CPNE4: variants seen among roughly 807,000 people sequenced by gnomAD.
CPNE4 encodes copine-4.
A neutral mutation model predicts 67.9 loss-of-function variants in CPNE4; 25 were observed. That is an observed-to-expected ratio of 0.37 (90% CI 0.27 to 0.51). The LOEUF (loss-of-function observed/expected upper bound fraction) is 0.51, where lower values mean the gene tolerates loss of function less well. CPNE4 is among the 20% of genes least tolerant of loss of function. The pLI, the probability that CPNE4 is intolerant of heterozygous loss-of-function variation, is 0.93. For missense variants in CPNE4, 464 were observed against 690.8 expected, an observed-to-expected ratio of 0.67 and a Z score of 3.68; for synonymous variants, 242 against 244.9, an observed-to-expected ratio of 0.99 and a Z score of 0.11.
intron 15 of CPNE4, among the ~76,000 whole-genome samples, chr3:131,535,932 A>G (rs1935118641): frequency 6.6e-6 from 1 of 152,250 alleles, no homozygotes; most frequent in Non-Finnish European, 1.5e-5. Context: ...AGGCCAGGGC[A>G]TAAAAAACAT....
chr3:132,024,110 G>A (rs2074064902), intron 1 of CPNE4, among the ~76,000 whole-genome samples: 1 of 141,336 alleles, frequency 7.1e-6, no homozygotes, highest in South Asian at 2.2e-4. Context: ...TTGAGACACA[G>A]TCTTGCTCTG....
chr3:131,799,120 A>G (rs1211824695), intron 2 of CPNE4, among the ~76,000 whole-genome samples: 3 of 152,192 alleles, frequency 2.0e-5, no homozygotes, highest in Admixed American at 6.6e-5. Flanking sequence ...CAGAAAAAAA[A>G]TATGAACAAT....
chr3:131,790,285 C>A (rs1307385726), intron 2 of CPNE4, among the ~76,000 whole-genome samples: 1 of 151,988 alleles, frequency 6.6e-6, no homozygotes, highest in Non-Finnish European at 1.5e-5. Context: ...CAGTAAATAC[C>A]CAAGTCTTTC....
intron 3 of CPNE4, among the ~76,000 whole-genome samples, chr3:131,712,061 T>C (rs770732764): frequency 2.0e-5 from 3 of 152,244 alleles, no homozygotes; most frequent in Non-Finnish European, 4.4e-5. Flanking sequence ...AAGGATTTCC[T>C]GTAAATTTCC....
In CPNE4 at chr3:131,993,665, T is replaced by C. The variant is rs913363352; in HGVS notation, c.-2+40902A>G. Among the ~76,000 whole-genome samples the C allele has an allele frequency of 4.5e-5, 6 of 134,810 alleles. 1 individual carries two copies. The highest frequency in any genetic ancestry group is 2.5e-4 in the Admixed American group (3 of 11,826). 88.4% of individuals were successfully genotyped at this position (134,810 alleles called of 152,430 possible). Reference sequence around the variant, plus strand: ...ACAGGAAAAATTCTCTTTTGCACCATTGTAACTATTAATAAAAAATACTCA... The same window carrying C: ...ACAGGAAAAATTCTCTTTTGCACCACTGTAACTATTAATAAAAAATACTCA... On this transcript the variant is annotated intron_variant, in intron 1 of 15. Transcript: ENST00000429747.
At chr3:131,825,997 G>C (rs1238253162) in intron 2 of CPNE4, among the ~76,000 whole-genome samples, 1 of 152,150 alleles carries the variant, frequency 6.6e-6, no homozygotes, top group African/African-American at 2.4e-5. Flanking sequence ...TCAGAATTTA[G>C]AGGGGTTAAG....
intron 1 of CPNE4, among the ~76,000 whole-genome samples, chr3:131,978,078 A>AATATATATAAAT (rs1391143174): frequency 5.6e-5 from 2 of 35,526 alleles, no homozygotes; most frequent in East Asian, 9.2e-4. Context: ...AATATATATA[A>AATATATATAAAT]ATATATATAA....
At chr3:131,927,780 G>T (rs189422073) in intron 1 of CPNE4, among the ~76,000 whole-genome samples, 1 of 151,976 alleles carries the variant, frequency 6.6e-6, no homozygotes, top group Non-Finnish European at 1.5e-5. Context: ...TTCCCTCATC[G>T]CCACCATGGT....
At position 131,953,238 on chromosome 3, in the gene CPNE4, T is replaced by TAAA. The variant is rs369308316; in HGVS notation, c.-1-47795_-1-47794insTTT. 1.8e-4 allele frequency among the ~76,000 whole-genome samples: 14 copies of TAAA among 75,698 alleles called. 1 individual carries two copies. Among genetic ancestry groups the TAAA allele is most frequent in the East Asian group, 3.2e-4 (1 of 3,168 alleles). 49.7% of individuals were successfully genotyped at this position (75,698 alleles called of 152,430 possible). A position where few individuals can be genotyped will look rare whatever the true frequency, so the allele number is the denominator to read the frequency against. ...GTGAGAAACACCCAAGAATGATCAA[T>TAAA]TAAAAAAAAAAAAAAAAAAAAAAAA... On this transcript the variant is annotated intron_variant, in intron 1 of 15. Coordinates refer to ENST00000429747, the MANE Select transcript of CPNE4 (RefSeq NM_130808.3).
At chr3:131,565,964 T>C (rs1219868400) in intron 10 of CPNE4, among the ~76,000 whole-genome samples, 1 of 151,936 alleles carries the variant, frequency 6.6e-6, no homozygotes, top group Admixed American at 6.6e-5. Context: ...ACAGAGGGCA[T>C]GATATTACTT....
intron 2 of CPNE4, among the ~76,000 whole-genome samples, chr3:131,837,368 G>C: frequency 6.6e-6 from 1 of 152,040 alleles, no homozygotes; most frequent in East Asian, 1.9e-4. Flanking sequence ...AATAAAAAGG[G>C]ACAAACTATT....
chr3:131,715,079 T>C lies in CPNE4; in HGVS notation c.360+8367A>G, dbSNP rs7645774. Among the ~76,000 whole-genome samples the C allele has an allele frequency of 5.7e-3, 865 of 152,226 alleles. 11 individuals carry two copies. Among genetic ancestry groups the C allele is most frequent in the African/African-American group, 0.02 (817 of 41,538 alleles). The stretch of plus-strand genomic sequence containing the variant: ...AAAATGCCTGCAAGAAAAGCAATGA[T>C]GAAACCCAGGTGCAACCACTGAATT... On this transcript the variant is annotated intron_variant, in intron 3 of 15. Coordinates refer to ENST00000429747, the MANE Select transcript of CPNE4 (RefSeq NM_130808.3).
At chr3:131,539,881 C>T (rs1275372524) in intron 15 of CPNE4, among the ~76,000 whole-genome samples, 2 of 152,184 alleles carry the variant, frequency 1.3e-5, no homozygotes, top group African/African-American at 4.8e-5. Context: ...AACACCCTTT[C>T]CTCCATCTTA....
intron 1 of CPNE4, among the ~76,000 whole-genome samples, chr3:131,988,448 G>A (rs1171194435): frequency 5.3e-5 from 8 of 152,136 alleles, no homozygotes; most frequent in African/African-American, 1.2e-4. Context: ...GTTGGAGAGC[G>A]GCCAGAAAGA....
intron 2 of CPNE4, among the ~76,000 whole-genome samples, chr3:131,842,555 T>A (rs2085828116): frequency 6.6e-6 from 1 of 152,110 alleles, no homozygotes; most frequent in South Asian, 2.1e-4. Context: ...GATAAGAAGT[T>A]TGCATTTTGA....
At chr3:131,700,623 A>T (rs975225909) in intron 3 of CPNE4, among the ~76,000 whole-genome samples, 1 of 152,122 alleles carries the variant, frequency 6.6e-6, no homozygotes, top group African/African-American at 2.4e-5. Flanking sequence ...CCTTTTTTGA[A>T]AGAGAAGTTT....
chr3:131,783,771 G>T (rs1360482566), intron 2 of CPNE4, among the ~76,000 whole-genome samples: 1 of 152,012 alleles, frequency 6.6e-6, no homozygotes, highest in Non-Finnish European at 1.5e-5. Context: ...AAGGGGCAAA[G>T]CTGTGATGGA....
At chr3:131,740,159 A>G (rs1051222576) in intron 2 of CPNE4, among the ~76,000 whole-genome samples, 8 of 152,192 alleles carry the variant, frequency 5.3e-5, no homozygotes, top group Non-Finnish European at 1.0e-4. Flanking sequence ...GTGCCTTCAG[A>G]TGGAGCTGGC....
chr3:131,891,747 CAT>C (rs1343525955), intron 2 of CPNE4, among the ~76,000 whole-genome samples: 32 of 152,090 alleles, frequency 2.1e-4, no homozygotes, highest in Admixed American at 2.1e-3. Flanking sequence ...CTGCAAAGGA[CAT>C]AACCTTATTC....
Sources: allele counts gnomAD v4.1 joint callset (sites outside exome capture counted in the v4.1 genomes callset), GRCh38; gene constraint gnomAD v4.1.1; transcripts MANE v1.5; gene names NCBI Gene and HGNC (gene_info 2026-07-23, HGNC 2026-07-21).